The following RBM44 variants were observed in gnomAD, a reference collection of about 807,000 sequenced individuals.
RBM44 encodes the protein RNA binding motif protein 44.
A neutral mutation model predicts 105.1 loss-of-function variants in RBM44; 66 were observed. That is an observed-to-expected ratio of 0.63 (90% CI 0.52 to 0.77). RBM44 has a LOEUF of 0.77. Among genes scored for constraint, RBM44 ranks in the 30% least tolerant of loss-of-function variants. The pLI, the probability that RBM44 is intolerant of heterozygous loss-of-function variation, is 0.00. For synonymous variants in RBM44, 365 were observed against 417.6 expected, an observed-to-expected ratio of 0.87 and a Z score of 1.54; for missense variants, 1,122 against 1,207.8, an observed-to-expected ratio of 0.93 and a Z score of 1.05.
At chr2:237,825,474 G>A (rs1479050483) in intron 10 of RBM44, among the ~76,000 whole-genome samples, 1 of 152,104 alleles carries the variant, frequency 6.6e-6, no homozygotes, top group Non-Finnish European at 1.5e-5. Context: ...CTGAAGTGCT[G>A]GGATTAGAGG....
intron 1 of RBM44, among the ~76,000 whole-genome samples, chr2:237,806,732 T>G (rs182736354): frequency 1.3e-5 from 2 of 152,344 alleles, no homozygotes; most frequent in African/African-American, 4.8e-5. Context: ...CCCTTGAGAC[T>G]TGTCAAACAC....
chr2:237,812,015 C>A (rs2061664369), intron 1 of RBM44, among the ~76,000 whole-genome samples: 1 of 152,096 alleles, frequency 6.6e-6, no homozygotes, highest in Admixed American at 6.6e-5. Context: ...CCACCACACC[C>A]AGCTAATTGT....
intron 13 of RBM44, among the ~76,000 whole-genome samples, chr2:237,831,252 G>GT (rs1055828752): frequency 3.7e-5 from 5 of 135,782 alleles, no homozygotes; most frequent in African/African-American, 1.3e-4. Flanking sequence ...TTGGGGGGGG[G>GT]GGGGTTTGTC....
intron 10 of RBM44, among the ~76,000 whole-genome samples, chr2:237,826,816 T>C (rs898624304): frequency 1.3e-5 from 2 of 152,174 alleles, no homozygotes; most frequent in Non-Finnish European, 1.5e-5. Context: ...TATTAGGTAT[T>C]ATAACTAATC....
At chr2:237,829,661 A>G (rs568896848) in intron 13 of RBM44, among the ~76,000 whole-genome samples, 159 bp downstream of exon 13, 1 of 152,318 alleles carries the variant, frequency 6.6e-6, no homozygotes, top group East Asian at 1.9e-4. Context: ...CTGCTTTTGT[A>G]CAACTCCAAT....
rs1345282877 is a variant in RBM44 at position 237,833,887 on chromosome 2, TTTTTA to T, written c.2887-102_2887-98del. ...CAAGTTAAAGTAAATTTTTAAGGAA[TTTTTA>T]TTTTATTATTTTAATTTTCAAATAT... On this transcript the variant is annotated intron_variant, in intron 13 of 15. Coordinates refer to ENST00000316997, the MANE Select transcript of RBM44 (RefSeq NM_001080504.3). The T allele has an allele frequency of 5.9e-5, 34 of 578,356 alleles. No individual in the cohort carries two copies. In the East Asian group the frequency reaches 9.3e-4, roughly 16 times the overall value. The allele number at this position is 578,356 out of a possible 1,614,324, so 35.8% of individuals were successfully genotyped here.
chr2:237,805,821 C>T (rs1335152369), intron 1 of RBM44, among the ~76,000 whole-genome samples: 1 of 152,000 alleles, frequency 6.6e-6, no homozygotes, highest in Non-Finnish European at 1.5e-5. Flanking sequence ...TAAAATTAGC[C>T]AGGCATGGTG....
chr2:237,833,150 G>T (rs771553779), intron 13 of RBM44, among the ~76,000 whole-genome samples: 5 of 152,100 alleles, frequency 3.3e-5, no homozygotes, highest in Non-Finnish European at 7.4e-5. Flanking sequence ...TAGGCACTGG[G>T]AAAGCAACAA....
At chr2:237,835,166 A>G (rs2061946934) in intron 15 of RBM44, among the ~76,000 whole-genome samples, 1 of 152,186 alleles carries the variant, frequency 6.6e-6, no homozygotes, top group Non-Finnish European at 1.5e-5. Context: ...AACTGCACCC[A>G]TATAAAACAG....
chr2:237,839,198 A>G (rs1576520430), intron 15 of RBM44, among the ~76,000 whole-genome samples: 1 of 152,316 alleles, frequency 6.6e-6, no homozygotes, highest in African/African-American at 2.4e-5. Flanking sequence ...TATCAGAACA[A>G]CGAATCCATG....
intron 1 of RBM44, among the ~76,000 whole-genome samples, chr2:237,808,572 G>A (rs1168599335): frequency 6.6e-6 from 1 of 151,938 alleles, no homozygotes. Flanking sequence ...AAATTAGTTA[G>A]AACTATAGAA....
At chr2:237,815,119 C>T (rs970592562) in intron 2 of RBM44, among the ~76,000 whole-genome samples, 9 of 151,982 alleles carry the variant, frequency 5.9e-5, no homozygotes, top group African/African-American at 2.2e-4. Context: ...GTCTAGCACC[C>T]AGGCAACATA....
Position 237,829,329 on chromosome 2 carries a change from G to A in RBM44, c.2713G>A (p.Gly905Arg), listed in dbSNP as rs761551347. 10 of 1,613,442 alleles carry A rather than the reference G, an allele frequency of 6.2e-6. No individual in the cohort carries two copies. Among genetic ancestry groups the A allele is most frequent in the Admixed American group, 5.0e-5 (3 of 59,948 alleles). The change falls in exon 13 of 16, where the codon GGA becomes AGA. Residue 905 changes from glycine to arginine, a missense_variant. This residue lies in a region of RBM44 where 194 missense variants were observed against 225.5 expected (regional missense o/e 0.86). Transcript: ENST00000316997. ...SVNVWPVKIL[G>R]EYTSPLSSKN... ...AAATGTGTGGCCTGTTAAAATTCTT[G>A]GAGAATATACATCACCACTTTCCTC...
At chr2:237,813,809 A>G in intron 2 of RBM44, 127 bp downstream of exon 2, 1 of 625,888 alleles carries the variant, frequency 1.6e-6, no homozygotes, top group East Asian at 2.9e-5. Flanking sequence ...AAGACTCAGT[A>G]TATTTTTAAC....
chr2:237,817,460 G>C lies in RBM44; in HGVS notation c.541G>C (p.Asp181His), dbSNP rs2061732024. Residue 181 changes from aspartate to histidine, a missense_variant, in exon 3 of 16, where the codon GAT (aspartate) becomes CAT (histidine). This residue lies in a region of RBM44 where 918 missense variants were observed against 955.3 expected (regional missense o/e 0.96). Coordinates refer to ENST00000316997, the MANE Select transcript of RBM44 (RefSeq NM_001080504.3). Reference sequence around the variant, plus strand: ...TGAAGATACACAAAAGCATGATACAGATGAAGACTCACAGCAGGAATATCA... The same window carrying C: ...TGAAGATACACAAAAGCATGATACACATGAAGACTCACAGCAGGAATATCA... ...SAEDTQKHDT[D>H]EDSQQEYHSA... The C allele has an allele frequency of 6.2e-7, 1 of 1,601,024 alleles. No homozygotes were observed.
rs1055565602 is a variant in RBM44 at position 237,803,896 on chromosome 2, T to C, written c.-19+5035T>C. Among the ~76,000 whole-genome samples, 8 of 151,810 alleles carry C rather than the reference T, an allele frequency of 5.3e-5. No individual in the cohort carries two copies. The highest frequency in any genetic ancestry group is 3.3e-4 in the Admixed American group (5 of 15,248). Reference sequence around the variant, plus strand: ...ATATGCCTTAGACCTTTTTTTTTTTTCTTTTTTTTGAGACAGAGTCTTGCT... The same window carrying C: ...ATATGCCTTAGACCTTTTTTTTTTTCCTTTTTTTTGAGACAGAGTCTTGCT... On this transcript the variant is annotated intron_variant, in intron 1 of 15. Coordinates refer to ENST00000316997, the MANE Select transcript of RBM44 (RefSeq NM_001080504.3). The surrounding 1 kb of genome is among the most constrained non-coding windows in gnomAD (Gnocchi z 4.2).
chr2:237,800,712 T>C (rs1443799809), intron 1 of RBM44, among the ~76,000 whole-genome samples: 1 of 152,016 alleles, frequency 6.6e-6, no homozygotes, highest in African/African-American at 2.4e-5. Context: ...AAAATACTCC[T>C]TGGGACTCTC....
chr2:237,825,925 A>T (rs948265267), intron 10 of RBM44, among the ~76,000 whole-genome samples: 2 of 152,190 alleles, frequency 1.3e-5, no homozygotes, highest in Non-Finnish European at 2.9e-5. Flanking sequence ...AAGGTTAGGT[A>T]TTATTACCTA....
chr2:237,820,407 T>G (rs907651280), intron 5 of RBM44, 56 bp downstream of exon 5: 29 of 1,081,412 alleles, frequency 2.7e-5, no homozygotes, highest in Non-Finnish European at 3.8e-5. Flanking sequence ...AGCTTTAAGT[T>G]TATTCTAGAG....
Sources: gnomAD v4.1 joint callset for allele counts (sites outside exome capture counted in the v4.1 genomes callset) on GRCh38, gnomAD v4.1.1 for gene constraint, gnomAD v4.1.1 regional missense constraint, Gnocchi (gnomAD v3.1) non-coding constraint, MANE v1.5 for transcripts, NCBI Gene and HGNC (gene_info 2026-07-23, HGNC 2026-07-21) for gene names.